Variants in ATG2B observed in about 807,000 individuals in gnomAD.
ATG2B encodes the protein autophagy-related protein 2 homolog B.
Under a neutral mutation model 241.3 loss-of-function variants are expected in ATG2B, and 121 were observed. The observed-to-expected ratio is 0.50, with a 90% confidence interval of 0.43 to 0.58. The LOEUF (loss-of-function observed/expected upper bound fraction) is 0.58, where lower values mean the gene tolerates loss of function less well. Among genes scored for constraint, ATG2B ranks in the 20% least tolerant of loss-of-function variants. ATG2B has a pLI of 0.00. For synonymous variants in ATG2B, 858 were observed against 876.6 expected (o/e 0.98, Z 0.37); for missense variants, 2,306 against 2,491.6 (o/e 0.93, Z 1.59).
chr14:96,287,512 T>C (rs1159452536), intron 41 of ATG2B, among the ~76,000 whole-genome samples: 1 of 152,176 alleles, frequency 6.6e-6, no homozygotes, highest in East Asian at 1.9e-4. Context: ...TAAATTCCAG[T>C]CTCAGCCCTA....
rs933759250 is a variant in ATG2B, at chr14:96,282,463, T to C, written c.*3292A>G. The stretch of plus-strand genomic sequence containing the variant: ...CCACCATGCCCCACAGTTCTGAGGA[T>C]GCGGGTGCGAGGACTCTGAAGCAAA... On this transcript the variant is annotated 3_prime_UTR_variant, in exon 42 of 42. Transcript: ENST00000359933. The C allele has an allele frequency of 6.6e-6, 1 of 152,292 alleles. No homozygotes were observed. Among genetic ancestry groups the C allele is most frequent in the African/African-American group, 2.4e-5 (1 of 41,472 alleles). The allele number at this position is 152,292 out of a possible 1,614,324, so 9.4% of individuals were successfully genotyped here. A position where few individuals can be genotyped will look rare whatever the true frequency, so the allele number is the denominator to read the frequency against.
chr14:96,360,010 T>C (rs1360999435), intron 1 of ATG2B, among the ~76,000 whole-genome samples: 1 of 152,220 alleles, frequency 6.6e-6, no homozygotes, highest in Admixed American at 6.5e-5. Flanking sequence ...GTGCCCTCAG[T>C]TGGATGTTCC....
At chr14:96,346,302 G>A (rs55676237) in intron 2 of ATG2B, among the ~76,000 whole-genome samples, 19,917 of 152,102 alleles carry the variant, frequency 0.13, 2,456 homozygotes, top group African/African-American at 0.32. Flanking sequence ...GACAGAGATT[G>A]CAAGAATTAC....
In ATG2B at chr14:96,311,225, G is replaced by A. The variant is rs1887145892; in HGVS notation, c.4053C>T (p.Asp1351=). 1.2e-6 allele frequency: 2 copies of A among 1,613,956 alleles called. No homozygotes were observed. The highest frequency in any genetic ancestry group is 1.7e-6 in the Non-Finnish European group (2 of 1,179,960). Residue 1351 remains aspartate, a synonymous_variant, in exon 28 of 42, where the codon GAC becomes GAT. Transcript: ENST00000359933. ...SDVVHIRTCS[D]SCAALMNLIQ... ...TGAGATTCATTAACGCAGCACAAGA[G>A]TCTGAGCACGTTCTGATATGGACAA... is the stretch of plus-strand genomic sequence containing the variant.
In ATG2B at chr14:96,322,565, C is replaced by T. The variant is rs753024598; in HGVS notation, c.2711G>A (p.Arg904His). 3.2e-5 allele frequency: 51 copies of T among 1,611,960 alleles called. No homozygotes were observed. The highest frequency in any genetic ancestry group is 9.4e-5 in the African/African-American group (7 of 74,834). The change falls in exon 17 of 42, where the codon CGT becomes CAT. Residue 904 changes from arginine (R) to histidine (H), a missense_variant. Around this residue, in one of 2 missense-constraint regions of ATG2B, gnomAD observed 1,927 missense variants for 2,011.2 expected, o/e 0.96. Coordinates refer to ENST00000359933, the MANE Select transcript of ATG2B (RefSeq NM_018036.7). Reference protein sequence around the residue: ...RRPAPSPFSSRRVMFENEQMV... With the variant: ...RRPAPSPFSSHRVMFENEQMV... The stretch of plus-strand genomic sequence containing the variant: ...CTGTTCATTTTCAAACATTACTCTA[C>T]GAGAAGAAAAAGGAGATGGGGCTGG...
rs142522961 is a variant in ATG2B, at chr14:96,350,085, G to C, written c.163-2744C>G. 9.4e-4 allele frequency among the ~76,000 whole-genome samples: 143 copies of C among 152,276 alleles called. 1 individual carries two copies. The highest frequency in any genetic ancestry group is 3.2e-3 in the African/African-American group (135 of 41,540). On this transcript the variant is annotated intron_variant, in intron 1 of 41. Transcript: ENST00000359933. ...GTGGGAGGAATGCTTAAGCCCGGGAGGCAGAGGTTATAGTGAGCCAAGACT... is the reference window on the plus strand; with the variant it reads ...GTGGGAGGAATGCTTAAGCCCGGGACGCAGAGGTTATAGTGAGCCAAGACT...
rs181206774 is a variant in ATG2B, at chr14:96,352,713, T to G, written c.163-5372A>C. On this transcript the variant is annotated intron_variant, in intron 1 of 41. Transcript: ENST00000359933. ...GTACAATGTGTGTTTAAGCTAAATG[T>G]TATTACAAAAGAAACAAAAAGTTCA... is the stretch of plus-strand genomic sequence containing the variant. Among the ~76,000 whole-genome samples, 525 of 152,300 alleles carry G rather than the reference T, an allele frequency of 3.4e-3. 4 individuals are homozygous for G. Among genetic ancestry groups the G allele is most frequent in the African/African-American group, 0.012 (512 of 41,582 alleles).
In ATG2B at chr14:96,334,432, C is replaced by A; in HGVS notation, c.994G>T (p.Asp332Tyr). Residue 332 changes from aspartate to tyrosine, a missense_variant, in exon 7 of 42, where the codon GAT (aspartate) becomes TAT (tyrosine). Physicochemically the swap from Asp to Tyr is radical, Grantham distance 160 (BLOSUM62 -3). This residue lies in a region of ATG2B where 1,927 missense variants were observed against 2,011.2 expected (regional missense o/e 0.96). Coordinates refer to ENST00000359933, the MANE Select transcript of ATG2B (RefSeq NM_018036.7). ...GGTCCAGCAATAGCTGCCAACATAT[C>A]CAAAAGCAAGTGCACCTGTCTTGGT... ...LSPRQVHLLL[D>Y]MLAAIAGPEN... The A allele has an allele frequency of 6.2e-7, 1 of 1,610,448 alleles. No individual in the cohort carries two copies. The highest frequency in any genetic ancestry group is 8.5e-7 in the Non-Finnish European group (1 of 1,178,538).
At position 96,329,511 on chromosome 14, in the gene ATG2B, A is replaced by G; in HGVS notation, c.1854T>C (p.Phe618=). 1 of 1,612,168 alleles carries G rather than the reference A, an allele frequency of 6.2e-7. No homozygotes were observed. Among genetic ancestry groups the G allele is most frequent in the Non-Finnish European group, 8.5e-7 (1 of 1,178,756 alleles). Residue 618 remains phenylalanine, a synonymous_variant, in exon 12 of 42, where the codon TTT becomes TTC. Coordinates refer to ENST00000359933, the MANE Select transcript of ATG2B (RefSeq NM_018036.7). ...CTGTATAGTGAGGAGGAACAGAATGAAAATCAGTTGGAAATAGGCACTCCA... is the reference window on the plus strand; with the variant it reads ...CTGTATAGTGAGGAGGAACAGAATGGAAATCAGTTGGAAATAGGCACTCCA... ...EFLECLFPTD[F]HSVPPHYTEL...
chr14:96,291,179 A>G (rs1227798274), intron 38 of ATG2B, among the ~76,000 whole-genome samples: 2 of 152,154 alleles, frequency 1.3e-5, no homozygotes, highest in Non-Finnish European at 2.9e-5. Context: ...ATAAAATCCA[A>G]TTCTAATGTT....
At position 96,325,635 on chromosome 14, in the gene ATG2B, A is replaced by T. The variant is rs1230512510; in HGVS notation, c.2437+14T>A. 6.3e-7 allele frequency: 1 copy of T among 1,598,906 alleles called. No homozygotes were observed. Among genetic ancestry groups the T allele is most frequent in the East Asian group, 2.2e-5 (1 of 44,740 alleles). ...TATCTAGGATGGTTCTTTTACAGGC[A>T]CATTCAATCTTACCAATTAGTTCTC... On this transcript the variant is annotated intron_variant, in intron 15 of 41. Coordinates refer to ENST00000359933, the MANE Select transcript of ATG2B (RefSeq NM_018036.7).
chr14:96,340,302 T>C (rs533261622), intron 6 of ATG2B, among the ~76,000 whole-genome samples: 2 of 150,540 alleles, frequency 1.3e-5, no homozygotes, highest in South Asian at 4.2e-4. Flanking sequence ...TCATCCTACA[T>C]ATCCATCAAC....
At chr14:96,301,834 G>C (rs1284690392) in intron 34 of ATG2B, among the ~76,000 whole-genome samples, 173 bp downstream of exon 34, 1 of 151,894 alleles carries the variant, frequency 6.6e-6, no homozygotes, top group African/African-American at 2.4e-5. Context: ...TGTTGACTCA[G>C]CCATAGTTCA....
In ATG2B at chr14:96,304,555, A is replaced by AT. The variant is rs1372700784; in HGVS notation, c.4781dup (p.Asn1594LysfsTer12). On this transcript the variant is annotated frameshift_variant, in exon 32 of 42. Coordinates refer to ENST00000359933, the MANE Select transcript of ATG2B (RefSeq NM_018036.7). LOFTEE classifies it high-confidence loss of function. The stretch of plus-strand genomic sequence containing the variant: ...TCCTTCCTTTTCCCCCACATACTGT[A>AT]TTACGTCCATGTCTCGTGGGTGTGT... 1 of 1,610,320 alleles carries AT rather than the reference A, an allele frequency of 6.2e-7. No homozygotes were observed. Among genetic ancestry groups the AT allele is most frequent in the African/African-American group, 1.3e-5 (1 of 74,506 alleles).
chr14:96,286,449 A>C (rs1857352395), intron 41 of ATG2B, among the ~76,000 whole-genome samples: 2 of 152,212 alleles, frequency 1.3e-5, no homozygotes, highest in Non-Finnish European at 2.9e-5. Context: ...AAAAATGGAA[A>C]ATTCAATTAA....
In ATG2B at chr14:96,292,460, AATTC is replaced by A. The variant is rs577252294; in HGVS notation, c.5427-366_5427-363del. 2.0e-4 allele frequency among the ~76,000 whole-genome samples: 31 copies of A among 152,310 alleles called. 1 individual carries two copies. Among genetic ancestry groups the A allele is most frequent in the Non-Finnish European group, 3.7e-4 (25 of 68,024 alleles). The stretch of plus-strand genomic sequence containing the variant: ...AAAATTTATTCTTATATATATTCAC[AATTC>A]ATTCAAAGAATAAATTAATAAAAGC... On this transcript the variant is annotated intron_variant, in intron 36 of 41. Coordinates refer to ENST00000359933, the MANE Select transcript of ATG2B (RefSeq NM_018036.7).
In ATG2B at chr14:96,328,837, T is replaced by G. The variant is rs537453473; in HGVS notation, c.1882-71A>C. 32 of 1,158,910 alleles carry G rather than the reference T, an allele frequency of 2.8e-5. 1 individual carries two copies. The highest frequency in any genetic ancestry group is 4.1e-4 in the Middle Eastern group (2 of 4,886). 71.8% of individuals were successfully genotyped at this position (1,158,910 alleles called of 1,614,324 possible). ...ATTTACAGAGGTGCCCATACAATAATGAGAAAGGCTTTCTGAAGTCAGAAA... is the reference window on the plus strand; with the variant it reads ...ATTTACAGAGGTGCCCATACAATAAGGAGAAAGGCTTTCTGAAGTCAGAAA... On this transcript the variant is annotated intron_variant, in intron 12 of 41. Coordinates refer to ENST00000359933, the MANE Select transcript of ATG2B (RefSeq NM_018036.7).
intron 19 of ATG2B, 69 bp downstream of exon 19, chr14:96,317,629 T>C (rs1887349542): frequency 7.7e-7 from 1 of 1,295,472 alleles, no homozygotes. Context: ...AATCCACAAT[T>C]CAAAGGTTAG....
intron 11 of ATG2B, among the ~76,000 whole-genome samples, chr14:96,330,431 C>T (rs1404179070): frequency 6.6e-6 from 1 of 152,148 alleles, no homozygotes; most frequent in Non-Finnish European, 1.5e-5. Context: ...ATTTATAGAT[C>T]ACTTTCACAT....
Sources: allele counts gnomAD v4.1 joint callset (sites outside exome capture counted in the v4.1 genomes callset), GRCh38; gene constraint gnomAD v4.1.1; regional missense constraint gnomAD v4.1.1; transcripts MANE v1.5; gene names NCBI Gene and HGNC (gene_info 2026-07-23, HGNC 2026-07-21).